The following NDE1 variants were observed in gnomAD, a reference collection of about 807,000 sequenced individuals.
NDE1 encodes the protein nuclear distribution protein nudE homolog 1.
NDE1 carries 28 observed loss-of-function variants against 43.4 expected under a neutral mutation model. The observed-to-expected ratio is 0.65, with a 90% CI of 0.48 to 0.89. The LOEUF is 0.89. Among genes scored for constraint, NDE1 ranks in the 40% least tolerant of loss-of-function variants. NDE1 has a pLI of 0.00. For synonymous variants in NDE1, 184 were observed against 172.0 expected, an observed-to-expected ratio of 1.07 and a Z score of -0.55; for missense variants, 441 against 434.1, an observed-to-expected ratio of 1.02 and a Z score of -0.14.
intron 3 of NDE1, among the ~76,000 whole-genome samples, chr16:15,671,927 A>G (rs1020441688): frequency 6.6e-6 from 1 of 151,866 alleles, no homozygotes; most frequent in Non-Finnish European, 1.5e-5. Flanking sequence ...AGCTCAAGTG[A>G]TCCGCCTGCC....
chr16:15,708,701 AT>A, intron 8 of NDE1: 1 of 1,258,932 alleles, frequency 7.9e-7, no homozygotes, highest in Admixed American at 2.0e-5. Context: ...TCTCGTGGAA[AT>A]GTGCAAGGGT....
At chr16:15,676,186 T>G (rs925563886) in intron 3 of NDE1, among the ~76,000 whole-genome samples, 15 of 147,762 alleles carry the variant, frequency 1.0e-4, no homozygotes, top group African/African-American at 3.5e-4. Context: ...TCCCCTCCTT[T>G]TCTCCCTCCT....
intron 3 of NDE1, among the ~76,000 whole-genome samples, chr16:15,671,721 C>A (rs1035969928): frequency 3.3e-5 from 5 of 151,998 alleles, no homozygotes; most frequent in African/African-American, 1.2e-4. Context: ...GACAGAGTCT[C>A]CCCCTGTCAC....
chr16:15,670,060 G>A (rs947135665), intron 3 of NDE1, among the ~76,000 whole-genome samples: 1 of 152,042 alleles, frequency 6.6e-6, no homozygotes, highest in African/African-American at 2.4e-5. Flanking sequence ...ATAAACATCC[G>A]ACAGGCCTGA....
At chr16:15,711,848 A>G (rs868237454) in intron 8 of NDE1, among the ~76,000 whole-genome samples, 1 of 152,100 alleles carries the variant, frequency 6.6e-6, no homozygotes, top group African/African-American at 2.4e-5. Context: ...ACGCCCCACC[A>G]TACCCGGCTA....
chr16:15,686,079 G>A (rs950344654), intron 4 of NDE1, among the ~76,000 whole-genome samples: 1 of 151,894 alleles, frequency 6.6e-6, no homozygotes, highest in Non-Finnish European at 1.5e-5. Context: ...ACCCTCCCGA[G>A]CAGCTGGGAC....
chr16:15,698,448 C>G (rs1042615035), intron 8 of NDE1, among the ~76,000 whole-genome samples: 20 of 152,322 alleles, frequency 1.3e-4, no homozygotes, highest in African/African-American at 4.8e-4. Flanking sequence ...AGGTGTGTGA[C>G]TACCATCTCT....
intron 8 of NDE1, chr16:15,704,141 A>G: frequency 6.2e-7 from 1 of 1,613,654 alleles, no homozygotes; most frequent in Non-Finnish European, 8.5e-7. Context: ...TTGTAAGAAA[A>G]CACATTATTT....
chr16:15,718,357 G>A lies in NDE1; in HGVS notation c.948-5834G>A, dbSNP rs1039451380. The A allele has an allele frequency of 2.5e-6, 4 of 1,608,696 alleles. No individual in the cohort carries two copies. In the Admixed American group the frequency reaches 6.7e-5, roughly 27 times the overall value. ...GGACCCGGTCGCTCATGGCCTCCAT[G>A]TTGCCCTGCTCCTCCTCCAGCTCCT... is the stretch of plus-strand genomic sequence containing the variant. On this transcript the variant is annotated intron_variant, in intron 8 of 8. Transcript: ENST00000396354.
Position 15,724,877 on chromosome 16 carries a change from AG to A in NDE1, c.*628del. On this transcript the variant is annotated 3_prime_UTR_variant, in exon 9 of 9. Coordinates refer to ENST00000396354, the MANE Select transcript of NDE1 (RefSeq NM_017668.3). ...CCCCAGGTCCCCTGGATGATGTGGC[AG>A]GACACTCACCTGGGTGTCCTGGAGC... 6.2e-7 allele frequency: 1 copy of A among 1,614,018 alleles called. No homozygotes were observed.
intron 3 of NDE1, among the ~76,000 whole-genome samples, chr16:15,668,350 C>A (rs144874218): frequency 3.9e-5 from 6 of 152,128 alleles, no homozygotes; most frequent in Admixed American, 1.3e-4. Flanking sequence ...AGCGAGACTC[C>A]GTCTCAAAAA....
intron 8 of NDE1, among the ~76,000 whole-genome samples, chr16:15,702,724 G>C (rs1443412055): frequency 6.6e-6 from 1 of 152,090 alleles, no homozygotes; most frequent in Non-Finnish European, 1.5e-5. Flanking sequence ...ACGTTTTGTG[G>C]AAAGTGTTTG....
At chr16:15,709,014 C>A (rs1430880153) in intron 8 of NDE1, among the ~76,000 whole-genome samples, 2 of 151,956 alleles carry the variant, frequency 1.3e-5, no homozygotes, top group Non-Finnish European at 2.9e-5. Context: ...GCGATCTTGG[C>A]TCACTGCAAC....
At chr16:15,710,393 C>G (rs2151178376) in intron 8 of NDE1, among the ~76,000 whole-genome samples, 1 of 152,270 alleles carries the variant, frequency 6.6e-6, no homozygotes, top group Middle Eastern at 3.4e-3. Context: ...TGGTGGCACG[C>G]ACCTGTAATC....
rs888305551 is a variant in NDE1, at chr16:15,680,087, T to C, written c.386+2138T>C. The stretch of plus-strand genomic sequence containing the variant: ...AGCCACCATACCCAGCCAGAGATGA[T>C]GAATTCTTTTATGTTCTTGATTTAT... On this transcript the variant is annotated intron_variant, in intron 4 of 8. Transcript: ENST00000396354. 2.0e-5 allele frequency among the ~76,000 whole-genome samples: 3 copies of C among 152,160 alleles called. No homozygotes were observed. The South Asian group carries it at 6.2e-4, about 32-fold the overall frequency.
chr16:15,672,301 C>A (rs964432387), intron 3 of NDE1, among the ~76,000 whole-genome samples: 1 of 151,972 alleles, frequency 6.6e-6, no homozygotes, highest in African/African-American at 2.4e-5. Flanking sequence ...GGCATGGTGG[C>A]GCACACCTGT....
intron 1 of NDE1, among the ~76,000 whole-genome samples, chr16:15,663,014 A>C (rs1159634627): frequency 1.3e-5 from 2 of 151,936 alleles, no homozygotes; most frequent in Non-Finnish European, 2.9e-5. Context: ...CTCTTCCCTA[A>C]CTTTCTCCAA....
At chr16:15,697,915 T>C (rs1414741577) in intron 8 of NDE1, among the ~76,000 whole-genome samples, 3 of 151,198 alleles carry the variant, frequency 2.0e-5, no homozygotes, top group African/African-American at 7.3e-5. Flanking sequence ...CAAGCAATTC[T>C]CCTGCCTCAG....
intron 5 of NDE1, among the ~76,000 whole-genome samples, chr16:15,689,016 G>T (rs1024723186): frequency 6.6e-6 from 1 of 151,976 alleles, no homozygotes; most frequent in Non-Finnish European, 1.5e-5. Flanking sequence ...TATTTATAAC[G>T]TCGATTTGCT....
Sources: gnomAD v4.1 joint callset for allele counts (sites outside exome capture counted in the v4.1 genomes callset) on GRCh38, gnomAD v4.1.1 for gene constraint, MANE v1.5 for transcripts, NCBI Gene and HGNC (gene_info 2026-07-23, HGNC 2026-07-21) for gene names.